Variants in TBX2 observed in about 807,000 individuals in gnomAD.
TBX2 encodes T-box transcription factor TBX2.
Under a neutral mutation model 48.4 loss-of-function variants are expected in TBX2, and 19 were observed. The ratio of observed to expected loss-of-function variants is 0.39; its 90% CI spans 0.27 to 0.58. The LOEUF (loss-of-function observed/expected upper bound fraction) is 0.58, where lower values mean the gene tolerates loss of function less well. Ranked by LOEUF, TBX2 falls within the 20% of genes least tolerant of loss-of-function variation. The pLI, the probability that TBX2 is intolerant of heterozygous loss-of-function variation, is 0.54. For synonymous variants in TBX2, 522 were observed against 459.7 expected, an observed-to-expected ratio of 1.14 and a Z score of -1.73; for missense variants, 994 against 1,006.5, an observed-to-expected ratio of 0.99 and a Z score of 0.17.
In TBX2 at chr17:61,405,816, C is replaced by G; in HGVS notation, c.1666C>G (p.Gln556Glu). ...TAAPFPFHLSQHMLASQGIPM... is the reference protein window; with the variant it reads ...TAAPFPFHLSEHMLASQGIPM... ...CGCGCCCTTCCCGTTCCACCTCTCC[C>G]AGCACATGCTGGCATCTCAGGTAAG... Residue 556 changes from glutamine (Q) to glutamate (E), a missense_variant, in exon 6 of 7, where the codon CAG becomes GAG. Around this residue, in one of 5 missense-constraint regions of TBX2, gnomAD observed 639 missense variants for 613.2 expected, o/e 1.04. Coordinates refer to ENST00000240328, the MANE Select transcript of TBX2 (RefSeq NM_005994.4). 1 of 1,324,044 alleles carries G rather than the reference C, an allele frequency of 7.6e-7. No individual in the cohort carries two copies. Among genetic ancestry groups the G allele is most frequent in the South Asian group, 2.6e-5 (1 of 38,380 alleles). The allele number at this position is 1,324,044 out of a possible 1,614,324, so 82.0% of individuals were successfully genotyped here.
Position 61,406,079 on chromosome 17 carries a change from T to C in TBX2, c.1686+243T>C, listed in dbSNP as rs370317826. 17 of 388,208 alleles carry C rather than the reference T, an allele frequency of 4.4e-5. No individual in the cohort carries two copies. Among genetic ancestry groups the C allele is most frequent in the African/African-American group, 3.1e-4 (15 of 48,210 alleles). The allele number at this position is 388,208 out of a possible 1,614,324, so 24.0% of individuals were successfully genotyped here. A position where few individuals can be genotyped will look rare whatever the true frequency, so the allele number is the denominator to read the frequency against. On this transcript the variant is annotated intron_variant, in intron 6 of 6. Coordinates refer to ENST00000240328, the MANE Select transcript of TBX2 (RefSeq NM_005994.4). The surrounding 1 kb of genome is among the most constrained non-coding windows in gnomAD (Gnocchi z 5.7). Reference sequence around the variant, plus strand: ...TGACTCCCGTGTGACCTTTGGCAAGTCCCTGACCCTCTCTGGGCCTGCTTC... The same window carrying C: ...TGACTCCCGTGTGACCTTTGGCAAGCCCCTGACCCTCTCTGGGCCTGCTTC...
intron 3 of TBX2, 50 bp from the exon 4 acceptor site, chr17:61,404,371 C>A: frequency 1.3e-6 from 2 of 1,550,934 alleles, no homozygotes; most frequent in East Asian, 2.4e-5. Context: ...CCACCGACCA[C>A]GCTGGAAGAG....
In TBX2 at chr17:61,409,356, C is replaced by T. The variant is rs372632625; in HGVS notation, c.*850C>T. The T allele has an allele frequency of 0.012, 1,858 of 152,386 alleles. 9 individuals are homozygous for T. The highest frequency in any genetic ancestry group is 0.017 in the Non-Finnish European group (1,190 of 68,052). The allele number at this position is 152,386 out of a possible 1,614,324, so 9.4% of individuals were successfully genotyped here. On this transcript the variant is annotated 3_prime_UTR_variant, in exon 7 of 7. Coordinates refer to ENST00000240328, the MANE Select transcript of TBX2 (RefSeq NM_005994.4). ...CCCTCGGCCCCTCGGCCCCTCCGCCCGGGTTTGGCTCGCCCGGCCCGCGGG... is the reference window on the plus strand; with the variant it reads ...CCCTCGGCCCCTCGGCCCCTCCGCCTGGGTTTGGCTCGCCCGGCCCGCGGG...
rs1802419698 is a variant in TBX2 at position 61,400,029 on chromosome 17, G to A, written c.-148G>A. The A allele has an allele frequency of 4.1e-6, 1 of 244,912 alleles. No individual in the cohort carries two copies. The highest frequency in any genetic ancestry group is 6.5e-6 in the Non-Finnish European group (1 of 154,384). 15.2% of individuals were successfully genotyped at this position (244,912 alleles called of 1,614,324 possible). A position where few individuals can be genotyped will look rare whatever the true frequency, so the allele number is the denominator to read the frequency against. On this transcript the variant is annotated 5_prime_UTR_variant, in exon 1 of 7. Coordinates refer to ENST00000240328, the MANE Select transcript of TBX2 (RefSeq NM_005994.4). This position sits in a 1 kb window ranked among gnomAD's most constrained non-coding sequence, Gnocchi z 9.2. ...CACAGAGCCGGGTGCCCCTTGCGGT[G>A]CGCCGGACGGGAAGCCCCGAGGAGC...
In TBX2 at chr17:61,401,813, G is replaced by T; in HGVS notation, c.525G>T (p.Ala175=). The T allele has an allele frequency of 6.2e-7, 1 of 1,613,116 alleles. No individual in the cohort carries two copies. The highest frequency in any genetic ancestry group is 8.5e-7 in the Non-Finnish European group (1 of 1,180,016). ...TCCACAACTCGCGCTGGATGGTGGCGGGCAAGGCCGACCCTGAGATGCCCA... is the reference window on the plus strand; with the variant it reads ...TCCACAACTCGCGCTGGATGGTGGCTGGCAAGGCCGACCCTGAGATGCCCA... ...YKFHNSRWMV[A]GKADPEMPKR... is the part of the protein sequence containing the mutation. The change falls in exon 2 of 7, where the codon GCG becomes GCT. Residue 175 remains alanine (A), a synonymous_variant. Coordinates refer to ENST00000240328, the MANE Select transcript of TBX2 (RefSeq NM_005994.4).
Position 61,400,198 on chromosome 17 carries a change from G to A in TBX2, c.22G>A (p.Ala8Thr), listed in dbSNP as rs1246452882. The A allele has an allele frequency of 3.4e-6, 4 of 1,161,128 alleles. No individual in the cohort carries two copies. Among genetic ancestry groups the A allele is most frequent in the African/African-American group, 3.3e-5 (2 of 60,512 alleles). The allele number at this position is 1,161,128 out of a possible 1,614,324, so 71.9% of individuals were successfully genotyped here. Residue 8 changes from alanine to threonine, a missense_variant, in exon 1 of 7, where the codon GCC becomes ACC. This residue lies in a region of TBX2 where 165 missense variants were observed against 136.8 expected (regional missense o/e 1.21). Transcript: ENST00000240328. This position sits in a 1 kb window ranked among gnomAD's most constrained non-coding sequence, Gnocchi z 9.2. MREPALA[A>T]SAMAYHPFHA... The stretch of plus-strand genomic sequence containing the variant: ...CCCGATGAGAGAGCCGGCGCTGGCG[G>A]CCAGCGCCATGGCTTACCACCCGTT...
Position 61,405,393 on chromosome 17 carries a change from G to T in TBX2, c.1243G>T (p.Gly415Cys), listed in dbSNP as rs1487669720. Reference sequence around the variant, plus strand: ...GGAGCCGGCCGAGAGCGGCGGGGACGGCCCGTTCGGCCTGAGGAGCCTGGA... The same window carrying T: ...GGAGCCGGCCGAGAGCGGCGGGGACTGCCCGTTCGGCCTGAGGAGCCTGGA... ...GKEPAESGGD[G>C]PFGLRSLEKE... Residue 415 changes from glycine to cysteine, a missense_variant, in exon 6 of 7, where the codon GGC (glycine) becomes TGC (cysteine). Around this residue, in one of 5 missense-constraint regions of TBX2, gnomAD observed 639 missense variants for 613.2 expected, o/e 1.04. Transcript: ENST00000240328. The T allele has an allele frequency of 2.0e-6, 3 of 1,530,352 alleles. No individual in the cohort carries two copies. The highest frequency in any genetic ancestry group is 2.6e-6 in the Non-Finnish European group (3 of 1,142,532). The allele number at this position is 1,530,352 out of a possible 1,614,324, so 94.8% of individuals were successfully genotyped here.
intron 1 of TBX2, among the ~76,000 whole-genome samples, chr17:61,401,241 T>C (rs2060262805): frequency 6.6e-6 from 1 of 151,734 alleles, no homozygotes; most frequent in Admixed American, 6.6e-5. Flanking sequence ...CAGGATGTCT[T>C]ATCAGGCTCT....
At position 61,405,294 on chromosome 17, in the gene TBX2, C is replaced by A; in HGVS notation, c.1144C>A (p.Pro382Thr). The change falls in exon 6 of 7, where the codon CCA becomes ACA. Residue 382 changes from proline to threonine, a missense_variant. Around this residue, in one of 5 missense-constraint regions of TBX2, gnomAD observed 639 missense variants for 613.2 expected, o/e 1.04. Coordinates refer to ENST00000240328, the MANE Select transcript of TBX2 (RefSeq NM_005994.4). ...AGAPLGRSPA[P>T]DSASPTRLTE... The stretch of plus-strand genomic sequence containing the variant: ...GGCGCCGCTAGGCCGCAGCCCGGCT[C>A]CAGACAGCGCCAGCCCCACTCGCTT... 6.4e-7 allele frequency: 1 copy of A among 1,557,640 alleles called. No homozygotes were observed. Among genetic ancestry groups the A allele is most frequent in the East Asian group, 2.4e-5 (1 of 42,524 alleles).
chr17:61,408,867 C>G lies in TBX2; in HGVS notation c.*361C>G, dbSNP rs1000002796. ...GTGCAGGGGCCAGGGGTGGGAGCATCGGAGGGAGTCCCAGAGCCCTGGACC... is the reference window on the plus strand; with the variant it reads ...GTGCAGGGGCCAGGGGTGGGAGCATGGGAGGGAGTCCCAGAGCCCTGGACC... On this transcript the variant is annotated 3_prime_UTR_variant, in exon 7 of 7. Coordinates refer to ENST00000240328, the MANE Select transcript of TBX2 (RefSeq NM_005994.4). 5 of 210,036 alleles carry G rather than the reference C, an allele frequency of 2.4e-5. No individual in the cohort carries two copies. Among genetic ancestry groups the G allele is most frequent in the Admixed American group, 5.9e-5 (1 of 16,824 alleles). The allele number at this position is 210,036 out of a possible 1,614,324, so 13.0% of individuals were successfully genotyped here.
In TBX2 at chr17:61,403,312, G is replaced by A; in HGVS notation, c.810+105G>A. ...CCTCGAAGCCCCCTGCACGGGATCC[G>A]CGCTCTTGCGGCCCGCCCCCGAGCA... On this transcript the variant is annotated intron_variant, in intron 3 of 6. Coordinates refer to ENST00000240328, the MANE Select transcript of TBX2 (RefSeq NM_005994.4). This position sits in a 1 kb window ranked among gnomAD's most constrained non-coding sequence, Gnocchi z 5.8. The A allele has an allele frequency of 6.6e-7, 1 of 1,511,134 alleles. No individual in the cohort carries two copies. The allele number at this position is 1,511,134 out of a possible 1,614,324, so 93.6% of individuals were successfully genotyped here.
rs138122459 is a variant in TBX2, at chr17:61,407,988, C to G, written c.1687-66C>G. On this transcript the variant is annotated intron_variant, in intron 6 of 6. Coordinates refer to ENST00000240328, the MANE Select transcript of TBX2 (RefSeq NM_005994.4). ...AGGGCACGGTGTCCAGGGGATAGCA[C>G]CCAGCCCAACTTCAGAAAGACTTCA... 112 of 1,506,290 alleles carry G rather than the reference C, an allele frequency of 7.4e-5. No homozygotes were observed. The African/African-American group carries it at 1.4e-3, about 18-fold the overall frequency. 93.3% of individuals were successfully genotyped at this position (1,506,290 alleles called of 1,614,324 possible).
rs1374843347 is a variant in TBX2 at position 61,400,216 on chromosome 17, C to T, written c.40C>T (p.His14Tyr). 2 of 1,213,854 alleles carry T rather than the reference C, an allele frequency of 1.6e-6. No homozygotes were observed. The highest frequency in any genetic ancestry group is 2.6e-5 in the Admixed American group (1 of 38,038). The allele number at this position is 1,213,854 out of a possible 1,614,324, so 75.2% of individuals were successfully genotyped here. ...PALAASAMAY[H>Y]PFHAPRPADF... ...GCTGGCGGCCAGCGCCATGGCTTAC[C>T]ACCCGTTCCACGCGCCACGGCCCGC... The change falls in exon 1 of 7, where the codon CAC becomes TAC. Residue 14 changes from histidine (H) to tyrosine (Y), a missense_variant. Transcript: ENST00000240328. The surrounding 1 kb of genome is among the most constrained non-coding windows in gnomAD (Gnocchi z 9.2).
chr17:61,407,977 A>G (rs1269598495), intron 6 of TBX2, 77 bp from the exon 7 acceptor site: 11 of 1,481,052 alleles, frequency 7.4e-6, no homozygotes, highest in Non-Finnish European at 9.0e-6. Context: ...CACGGTGTCC[A>G]GGGGATAGCA....
Position 61,405,218 on chromosome 17 carries a change from C to A in TBX2, c.1068C>A (p.Cys356Ter). Residue 356 changes from cysteine to a stop codon, truncating the protein, a stop_gained, in exon 6 of 7, where the codon TGC becomes TGA. Transcript: ENST00000240328. LOFTEE classifies it high-confidence loss of function. ...TCCCCGCAGCTGAGGAGAAGTCGTG[C>A]GCCGCGGACAGCGACCCGGAGCCTG... The part of the protein sequence containing the change: ...LHRARAEEKS[C>*]AADSDPEPER... 6.5e-7 allele frequency: 1 copy of A among 1,547,282 alleles called. No individual in the cohort carries two copies. Among genetic ancestry groups the A allele is most frequent in the Middle Eastern group, 1.7e-4 (1 of 5,906 alleles).
chr17:61,401,532 G>T, intron 1 of TBX2, 152 bp from the exon 2 acceptor site: 1 of 1,095,478 alleles, frequency 9.1e-7, no homozygotes. Context: ...GGTCGTCCGG[G>T]CAGTGATGAG....
At chr17:61,404,939 G>T in intron 5 of TBX2, 170 bp downstream of exon 5, 1 of 1,253,766 alleles carries the variant, frequency 8.0e-7, no homozygotes, top group South Asian at 1.3e-5. Flanking sequence ...GGCGGTCCCC[G>T]GTAGCCAGAA....
chr17:61,408,285 G>A lies in TBX2; in HGVS notation c.1918G>A (p.Gly640Arg), dbSNP rs753230872. ...IPPSTSLLTT[G>R]LASEGSKAAG... ...GCCTAGCACTAGCCTCCTCACCACC[G>A]GGCTGGCCTCTGAGGGCTCCAAGGC... Residue 640 changes from glycine to arginine, a missense_variant, in exon 7 of 7, where the codon GGG (glycine) becomes AGG (arginine). By Grantham distance (125) the Gly-to-Arg change is moderately radical (BLOSUM62 -2). Around this residue, in one of 5 missense-constraint regions of TBX2, gnomAD observed 639 missense variants for 613.2 expected, o/e 1.04. Transcript: ENST00000240328. 9.9e-6 allele frequency: 16 copies of A among 1,612,504 alleles called. No homozygotes were observed. Among genetic ancestry groups the A allele is most frequent in the East Asian group, 6.7e-5 (3 of 44,862 alleles).
intron 5 of TBX2, 48 bp from the exon 6 acceptor site, chr17:61,405,154 G>C: frequency 1.4e-6 from 2 of 1,466,732 alleles, no homozygotes. Flanking sequence ...GATCCTGCTC[G>C]TCGGCCTCCG....
Sources: allele counts gnomAD v4.1 joint callset (sites outside exome capture counted in the v4.1 genomes callset), GRCh38; gene constraint gnomAD v4.1.1; regional missense constraint gnomAD v4.1.1; non-coding constraint Gnocchi (gnomAD v3.1); transcripts MANE v1.5; gene names NCBI Gene and HGNC (gene_info 2026-07-23, HGNC 2026-07-21).